The following CHKA variants were observed in gnomAD, a reference collection of about 807,000 sequenced individuals.
The protein encoded by CHKA is choline kinase alpha, also known as CHETK-alpha.
Under a neutral mutation model 60.1 loss-of-function variants are expected in CHKA, and 34 were observed. The observed-to-expected ratio is 0.57, with a 90% CI of 0.43 to 0.75. The LOEUF (loss-of-function observed/expected upper bound fraction) is 0.75, where lower values mean the gene tolerates loss of function less well. Among genes scored for constraint, CHKA ranks in the 30% least tolerant of loss-of-function variants. The probability of loss-of-function intolerance (pLI) is 0.00; values close to 1 mark genes in which losing one functional copy is unlikely to be tolerated. For synonymous variants in CHKA, 217 were observed against 223.1 expected (o/e 0.97, Z 0.24); for missense variants, 563 against 561.3 (o/e 1.00, Z -0.03).
At position 68,101,106 on chromosome 11, in the gene CHKA, C is replaced by A. The variant is rs1372894236; in HGVS notation, c.351-3976G>T. ...GGGACTACAGGCGCCCACCACCACA[C>A]CGGGCTAATTTTTTTGTATTTTTAG... On this transcript the variant is annotated intron_variant, in intron 1 of 11. Coordinates refer to ENST00000265689, the MANE Select transcript of CHKA (RefSeq NM_001277.3). Among the ~76,000 whole-genome samples, 3 of 151,828 alleles carry A rather than the reference C, an allele frequency of 2.0e-5. No individual in the cohort carries two copies. The South Asian group carries it at 6.2e-4, about 32-fold the overall frequency.
At chr11:68,064,833 A>G (rs1431369965) in intron 9 of CHKA, among the ~76,000 whole-genome samples, 1 of 152,174 alleles carries the variant, frequency 6.6e-6, no homozygotes, top group East Asian at 1.9e-4. Flanking sequence ...CAGGATTTCT[A>G]GTGGAGATAC....
At chr11:68,088,162 T>C (rs1279274307) in intron 2 of CHKA, among the ~76,000 whole-genome samples, 1 of 151,330 alleles carries the variant, frequency 6.6e-6, no homozygotes, top group African/African-American at 2.4e-5. Context: ...CTAGACTCAG[T>C]TTCCTCAGTT....
chr11:68,115,886 T>G (rs1858366066), intron 1 of CHKA, among the ~76,000 whole-genome samples: 1 of 152,206 alleles, frequency 6.6e-6, no homozygotes, highest in Admixed American at 6.5e-5. Context: ...AACTACATAT[T>G]TATGTTTAAT....
intron 1 of CHKA, among the ~76,000 whole-genome samples, chr11:68,110,782 A>G (rs1179373115): frequency 4.0e-5 from 6 of 151,662 alleles, no homozygotes; most frequent in Admixed American, 3.3e-4. Context: ...CAGATCACTT[A>G]TGGTCAGGAG....
At chr11:68,119,569 A>C (rs1858524687) in intron 1 of CHKA, among the ~76,000 whole-genome samples, 1 of 152,172 alleles carries the variant, frequency 6.6e-6, no homozygotes, top group Admixed American at 6.5e-5. Context: ...TCCCAGGTTC[A>C]AGCGATTCTC....
intron 1 of CHKA, among the ~76,000 whole-genome samples, chr11:68,117,658 C>G (rs780778334): frequency 4.6e-5 from 7 of 152,086 alleles, no homozygotes; most frequent in African/African-American, 2.4e-5. Flanking sequence ...GCCTGGGTGA[C>G]AGAGCAAGAC....
intron 1 of CHKA, among the ~76,000 whole-genome samples, chr11:68,099,548 A>G (rs996206330): frequency 1.3e-5 from 2 of 152,238 alleles, no homozygotes; most frequent in Admixed American, 1.3e-4. Context: ...AAGGGAACCC[A>G]AAGTTCTTGT....
chr11:68,094,318 C>T (rs1245766566), intron 2 of CHKA, among the ~76,000 whole-genome samples: 2 of 152,022 alleles, frequency 1.3e-5, no homozygotes, highest in East Asian at 3.9e-4. Flanking sequence ...TAGACGGGTG[C>T]ATCACTTAAG....
At chr11:68,086,044 G>C (rs1857167444) in intron 2 of CHKA, among the ~76,000 whole-genome samples, 1 of 152,214 alleles carries the variant, frequency 6.6e-6, no homozygotes, top group South Asian at 2.1e-4. Flanking sequence ...GCCAGGCACG[G>C]TGGCTCACGC....
At chr11:68,066,586 G>T in intron 7 of CHKA, 70 bp from the exon 8 acceptor site, 1 of 1,182,560 alleles carries the variant, frequency 8.5e-7, no homozygotes, top group Non-Finnish European at 1.3e-6. Flanking sequence ...CAGCAGAGCC[G>T]AGAGAATGGA....
At chr11:68,107,473 C>T (rs1020658957) in intron 1 of CHKA, among the ~76,000 whole-genome samples, 3 of 152,082 alleles carry the variant, frequency 2.0e-5, no homozygotes, top group Non-Finnish European at 2.9e-5. Context: ...TTTCAGTTAA[C>T]AGTAGTGCCT....
intron 11 of CHKA, among the ~76,000 whole-genome samples, chr11:68,059,185 G>A (rs1480747497): frequency 5.9e-5 from 9 of 152,196 alleles, no homozygotes; most frequent in African/African-American, 2.2e-4. Context: ...ATGAGCCACC[G>A]CGCCTGGCTG....
At chr11:68,115,376 G>A (rs979516530) in intron 1 of CHKA, among the ~76,000 whole-genome samples, 1 of 152,216 alleles carries the variant, frequency 6.6e-6, no homozygotes, top group Non-Finnish European at 1.5e-5. Context: ...AGAATAGGAT[G>A]TAGTGTGTTA....
intron 3 of CHKA, among the ~76,000 whole-genome samples, 186 bp from the exon 4 acceptor site, chr11:68,075,016 T>C (rs1856742880): frequency 6.6e-6 from 1 of 152,244 alleles, no homozygotes; most frequent in South Asian, 2.1e-4. Context: ...ATCGTGTCAT[T>C]TGCAGGATTC....
intron 1 of CHKA, among the ~76,000 whole-genome samples, chr11:68,112,210 T>C (rs761401413): frequency 6.6e-6 from 1 of 152,062 alleles, no homozygotes; most frequent in African/African-American, 2.4e-5. Flanking sequence ...GATGGTAACA[T>C]AGAAGAAAAT....
chr11:68,095,615 A>G (rs1478531343), intron 2 of CHKA, among the ~76,000 whole-genome samples: 6 of 141,130 alleles, frequency 4.3e-5, no homozygotes, highest in African/African-American at 1.3e-4. Flanking sequence ...AGGCTGAGGC[A>G]GGAGAATGGC....
chr11:68,076,247 A>T (rs1837907337), intron 3 of CHKA, among the ~76,000 whole-genome samples: 1 of 152,196 alleles, frequency 6.6e-6, no homozygotes, highest in Non-Finnish European at 1.5e-5. Context: ...CAATAAACTG[A>T]TAACATCTAT....
At chr11:68,057,486 A>AT (rs1224213262) in intron 11 of CHKA, among the ~76,000 whole-genome samples, 2 of 151,942 alleles carry the variant, frequency 1.3e-5, no homozygotes, top group African/African-American at 2.4e-5. Flanking sequence ...GGCCCGGCTA[A>AT]TTTTTTGTAT....
At chr11:68,058,104 C>T (rs893739226) in intron 11 of CHKA, among the ~76,000 whole-genome samples, 6 of 152,082 alleles carry the variant, frequency 3.9e-5, no homozygotes, top group Non-Finnish European at 8.8e-5. Flanking sequence ...GCTGCCCAGG[C>T]TGGTTTCCAA....
Sources: allele counts gnomAD v4.1 joint callset (sites outside exome capture counted in the v4.1 genomes callset), GRCh38; gene constraint gnomAD v4.1.1; transcripts MANE v1.5; gene names NCBI Gene and HGNC (gene_info 2026-07-23, HGNC 2026-07-21).